Variants in CIMAP1A observed in about 807,000 individuals in gnomAD.
CIMAP1A encodes cancer/testis antigen 135.
At chr11:199,030 C>T in the CIMAP1A span, 2 of 1,221,302 alleles carry the variant, frequency 1.6e-6, no homozygotes, top group Non-Finnish European at 2.1e-6. Flanking sequence ...CACCCAACAG[C>T]CCTCGTCCAT....
the CIMAP1A span, chr11:197,385 A>G: frequency 6.2e-7 from 1 of 1,600,636 alleles, no homozygotes; most frequent in African/African-American, 1.3e-5. Flanking sequence ...GCAGCCCTGG[A>G]CCCAAGTACC....
At chr11:197,521 G>A in the CIMAP1A span, 65 of 1,604,196 alleles carry the variant, frequency 4.1e-5, no homozygotes, top group African/African-American at 7.9e-4. Context: ...GAGAAGGGCA[G>A]GTCAGGCTCC....
At chr11:197,793 C>A in the CIMAP1A span, 3 of 1,603,632 alleles carry the variant, frequency 1.9e-6, no homozygotes, top group East Asian at 2.2e-5. Flanking sequence ...TCCTGCCCTG[C>A]GCAGCCTCAG....
the CIMAP1A span, chr11:197,532 G>A: frequency 9.9e-6 from 16 of 1,609,118 alleles, no homozygotes; most frequent in African/African-American, 9.4e-5. Flanking sequence ...GTCAGGCTCC[G>A]GGCTGCTCAG....
At chr11:198,495 G>C in the CIMAP1A span, 1 of 1,613,314 alleles carries the variant, frequency 6.2e-7, no homozygotes, top group East Asian at 2.2e-5. Flanking sequence ...CCATGGTAAT[G>C]GGGCCCAATA....
the CIMAP1A span, chr11:199,297 G>A: frequency 6.5e-7 from 1 of 1,535,536 alleles, no homozygotes; most frequent in Non-Finnish European, 8.8e-7. Flanking sequence ...CAGAGCCTGA[G>A]TTTGCTCCCT....
chr11:198,448 C>G, the CIMAP1A span: 1 of 1,613,242 alleles, frequency 6.2e-7, no homozygotes, highest in African/African-American at 1.3e-5. Context: ...CCTGAGGCTC[C>G]ACGTCCACCC....
the CIMAP1A span, chr11:198,208 T>C: frequency 6.2e-7 from 1 of 1,613,852 alleles, no homozygotes; most frequent in Non-Finnish European, 8.5e-7. Context: ...GGTGACTACT[T>C]TCCAGAGAAA....
At chr11:199,492 G>A in the CIMAP1A span, 109,173 of 1,557,262 alleles carry the variant, frequency 0.07, 4,078 homozygotes, top group Non-Finnish European at 0.075. Context: ...AGGACCAGGC[G>A]CCCACAGCCC....
chr11:197,774 G>T, the CIMAP1A span: 2 of 1,612,522 alleles, frequency 1.2e-6, no homozygotes, highest in Non-Finnish European at 1.7e-6. Flanking sequence ...TAGTGACCCT[G>T]TCTCAGGCTC....
At chr11:198,088 T>C in the CIMAP1A span, 1 of 1,549,230 alleles carries the variant, frequency 6.5e-7, no homozygotes, top group African/African-American at 1.4e-5. Context: ...ACCACCTGTG[T>C]TGGAGCCCAG....
chr11:199,955 C>G, the CIMAP1A span: 2 of 1,614,140 alleles, frequency 1.2e-6, no homozygotes, highest in South Asian at 2.2e-5. Context: ...TGACCCTGAC[C>G]AAGCCCTGCG....
At chr11:198,776 AG>A in the CIMAP1A span, 19 of 1,433,754 alleles carry the variant, frequency 1.3e-5, no homozygotes, top group Non-Finnish European at 1.7e-5. Context: ...ACAGGCCAGA[AG>A]GGAGACGCCC....
At chr11:197,366 C>T in the CIMAP1A span, 17 of 1,598,228 alleles carry the variant, frequency 1.1e-5, no homozygotes, top group African/African-American at 1.3e-5. Flanking sequence ...CCCATCATGG[C>T]CCTCTACAGC....
chr11:197,136 C>G, the CIMAP1A span: 1 of 558,772 alleles, frequency 1.8e-6, no homozygotes, highest in East Asian at 2.9e-5. Flanking sequence ...TCCTACTGTC[C>G]CTGACTCCTG....
chr11:198,049 T>G, the CIMAP1A span: 4 of 1,542,272 alleles, frequency 2.6e-6, no homozygotes, highest in South Asian at 4.8e-5. Flanking sequence ...AGCATTTCCA[T>G]CCTGGACACC....
At chr11:199,349 G>A in the CIMAP1A span, 4 of 1,559,684 alleles carry the variant, frequency 2.6e-6, no homozygotes, top group Middle Eastern at 1.7e-4. Context: ...GAGTTGGTCT[G>A]AGCCTCCTTT....
the CIMAP1A span, chr11:198,509 T>C: frequency 6.2e-7 from 1 of 1,613,152 alleles, no homozygotes; most frequent in Non-Finnish European, 8.5e-7. Flanking sequence ...CCCAATACCG[T>C]CGGCAAGGCC....
chr11:199,366 CAGA>C, the CIMAP1A span: 4 of 1,568,046 alleles, frequency 2.6e-6, no homozygotes, highest in Middle Eastern at 6.7e-4. Flanking sequence ...CTTTACCTCT[CAGA>C]CCCCAGGTCC....
Sources: allele counts gnomAD v4.1 joint callset, GRCh38; gene constraint gnomAD v4.1.1; transcripts MANE v1.5; gene names NCBI Gene and HGNC (gene_info 2026-07-23, HGNC 2026-07-21).